The following ATP10A variants were observed in gnomAD, a reference collection of about 807,000 sequenced individuals.
ATP10A encodes ATPase phospholipid transporting 10A (putative), also known as phospholipid-transporting ATPase VA.
In ATP10A, 111 loss-of-function variants were observed where a neutral mutation model predicts 147.8. That is an observed-to-expected ratio of 0.75 (90% CI 0.64 to 0.88). The LOEUF (loss-of-function observed/expected upper bound fraction) is 0.88, where lower values mean the gene tolerates loss of function less well. Ranked by LOEUF, ATP10A falls within the 40% of genes least tolerant of loss-of-function variation. The probability of loss-of-function intolerance (pLI) is 0.00; values close to 1 mark genes in which losing one functional copy is unlikely to be tolerated. For synonymous variants in ATP10A, 875 were observed against 841.6 expected, an observed-to-expected ratio of 1.04 and a Z score of -0.69; for missense variants, 1,927 against 1,959.0, an observed-to-expected ratio of 0.98 and a Z score of 0.31.
intron 2 of ATP10A, among the ~76,000 whole-genome samples, chr15:25,778,830 A>G (rs2140696420): frequency 6.6e-6 from 1 of 152,252 alleles, no homozygotes; most frequent in South Asian, 2.1e-4. Context: ...GACTGTAGAT[A>G]CGACTGGGTT....
intron 17 of ATP10A, among the ~76,000 whole-genome samples, chr15:25,682,618 T>C (rs542435433): frequency 6.6e-6 from 1 of 152,324 alleles, no homozygotes; most frequent in East Asian, 1.9e-4. Context: ...GCAGAGGCCC[T>C]GCTCCCCTCC....
chr15:25,719,002 C>T (rs564530423), intron 7 of ATP10A, among the ~76,000 whole-genome samples: 42 of 152,322 alleles, frequency 2.8e-4, no homozygotes, highest in African/African-American at 9.6e-4. Flanking sequence ...TTCCCCATGA[C>T]CTGGTGAACG....
chr15:25,782,659 C>G (rs1413296986), intron 1 of ATP10A, among the ~76,000 whole-genome samples: 1 of 152,164 alleles, frequency 6.6e-6, no homozygotes, highest in Non-Finnish European at 1.5e-5. Context: ...ACCTACGAGT[C>G]ACTATCAACA....
intron 1 of ATP10A, chr15:25,862,093 T>C (rs1219690075): frequency 3.0e-6 from 1 of 337,146 alleles, no homozygotes; most frequent in African/African-American, 2.2e-5. Flanking sequence ...GGCTCATGGC[T>C]CACAGTGGAG....
In ATP10A at chr15:25,679,977, A is replaced by G. The variant is rs375580882; in HGVS notation, c.3867-3T>C. On this transcript the variant is annotated splice_region_variant and splice_polypyrimidine_tract_variant and intron_variant, in intron 20 of 20. Transcript: ENST00000555815. ...CCTGGAGGGATCTGAAAAACAATCT[A>G]GAAAAAGTACATTAAAACAAAAAGT... is the stretch of plus-strand genomic sequence containing the variant. 30 of 1,590,874 alleles carry G rather than the reference A, an allele frequency of 1.9e-5. No individual in the cohort carries two copies. In the African/African-American group the frequency reaches 3.9e-4, roughly 21 times the overall value.
Position 25,687,844 on chromosome 15 carries a change from G to A in ATP10A, c.3166-16C>T. On this transcript the variant is annotated splice_polypyrimidine_tract_variant and intron_variant, in intron 15 of 20. Coordinates refer to ENST00000555815, the MANE Select transcript of ATP10A (RefSeq NM_024490.4). Reference sequence around the variant, plus strand: ...CCATCACTGCCTTCAAAGGGAGAGGGATTCCTGTTACTGGTGATGCCGACC... The same window carrying A: ...CCATCACTGCCTTCAAAGGGAGAGGAATTCCTGTTACTGGTGATGCCGACC... 6.2e-7 allele frequency: 1 copy of A among 1,613,800 alleles called. No homozygotes were observed. Among genetic ancestry groups the A allele is most frequent in the Non-Finnish European group, 8.5e-7 (1 of 1,179,812 alleles).
intron 3 of ATP10A, among the ~76,000 whole-genome samples, chr15:25,735,086 A>G (rs6576450): frequency 0.35 from 52,183 of 150,928 alleles, 11,264 homozygotes; most frequent in African/African-American, 0.59. Flanking sequence ...AGGCGTCAAA[A>G]GTCCATCCCT....
chr15:25,702,212 CCT>C (rs1267251908), intron 12 of ATP10A, 112 bp from the exon 13 acceptor site: 7 of 1,137,998 alleles, frequency 6.2e-6, no homozygotes, highest in Non-Finnish European at 8.6e-6. Context: ...TGGTACAGCC[CCT>C]GTTGCCTGGG....
chr15:25,687,578 AAGGAGGATGGAGCAGGT>A, intron 16 of ATP10A, 108 bp downstream of exon 16: 1 of 616,118 alleles, frequency 1.6e-6, no homozygotes, highest in Non-Finnish European at 2.1e-6. Flanking sequence ...TACACAGGCG[AAGGAGGATGGAGCAGGT>A]TGTCCATGGC....
chr15:25,715,419 C>T (rs1355072351), intron 9 of ATP10A, among the ~76,000 whole-genome samples: 2 of 152,202 alleles, frequency 1.3e-5, no homozygotes, highest in Non-Finnish European at 2.9e-5. Context: ...TAGGCTGTTC[C>T]CTAGGTGGAA....
At chr15:25,692,500 A>C (rs1410150794) in intron 14 of ATP10A, among the ~76,000 whole-genome samples, 1 of 152,240 alleles carries the variant, frequency 6.6e-6, no homozygotes, top group African/African-American at 2.4e-5. Flanking sequence ...CAAGTTGCAC[A>C]AATGAGAAAA....
At chr15:25,832,251 G>A (rs1567417216) in intron 1 of ATP10A, among the ~76,000 whole-genome samples, 1 of 152,236 alleles carries the variant, frequency 6.6e-6, no homozygotes, top group Non-Finnish European at 1.5e-5. Context: ...CAGCCTTGAA[G>A]CCTCAGAACT....
At chr15:25,812,996 G>C (rs1339382720) in intron 1 of ATP10A, among the ~76,000 whole-genome samples, 1 of 152,234 alleles carries the variant, frequency 6.6e-6, no homozygotes, top group African/African-American at 2.4e-5. Flanking sequence ...CATCATCTGA[G>C]GAGCCAGGCA....
intron 2 of ATP10A, among the ~76,000 whole-genome samples, chr15:25,768,940 C>T (rs1446797125): frequency 6.6e-6 from 1 of 152,014 alleles, no homozygotes; most frequent in East Asian, 1.9e-4. Flanking sequence ...TTATGTCTTC[C>T]TTGAAGGAAA....
intron 1 of ATP10A, among the ~76,000 whole-genome samples, chr15:25,818,527 G>T (rs757373980): frequency 3.9e-5 from 6 of 151,916 alleles, no homozygotes; most frequent in Non-Finnish European, 7.4e-5. Context: ...TGACCATACT[G>T]CCCAAAGCCA....
chr15:25,786,394 GCA>G (rs1474095284), intron 1 of ATP10A, among the ~76,000 whole-genome samples: 2 of 152,138 alleles, frequency 1.3e-5, no homozygotes, highest in Non-Finnish European at 2.9e-5. Context: ...ACTTCCAGTG[GCA>G]CATCCATGAA....
At chr15:25,829,153 T>C (rs907707220) in intron 1 of ATP10A, among the ~76,000 whole-genome samples, 11 of 152,148 alleles carry the variant, frequency 7.2e-5, no homozygotes, top group African/African-American at 2.2e-4. Context: ...TGTATTAAAA[T>C]AATGTGGTGA....
intron 1 of ATP10A, among the ~76,000 whole-genome samples, chr15:25,846,163 G>A (rs192540329): frequency 2.0e-5 from 3 of 152,212 alleles, no homozygotes; most frequent in East Asian, 1.9e-4. Flanking sequence ...ATGGGGGAAG[G>A]GGGAGTTAGT....
chr15:25,776,268 G>A (rs1889600224), intron 2 of ATP10A, among the ~76,000 whole-genome samples: 1 of 152,200 alleles, frequency 6.6e-6, no homozygotes, highest in Non-Finnish European at 1.5e-5. Context: ...ATGTGCAGGT[G>A]AGAGACAGCA....
Sources: allele counts gnomAD v4.1 joint callset (sites outside exome capture counted in the v4.1 genomes callset), GRCh38; gene constraint gnomAD v4.1.1; transcripts MANE v1.5; gene names NCBI Gene and HGNC (gene_info 2026-07-23, HGNC 2026-07-21).